The following BRD1 variants were observed in gnomAD, a reference collection of about 807,000 sequenced individuals.
BRD1 encodes bromodomain-containing protein 1.
A neutral mutation model predicts 107.7 loss-of-function variants in BRD1; 24 were observed. The observed-to-expected ratio is 0.22, with a 90% CI of 0.16 to 0.31. The LOEUF (loss-of-function observed/expected upper bound fraction) is 0.31, where lower values mean the gene tolerates loss of function less well. Ranked by LOEUF, BRD1 falls within the 10% of genes least tolerant of loss-of-function variation. The probability of loss-of-function intolerance (pLI) is 1.00; values close to 1 mark genes in which losing one functional copy is unlikely to be tolerated. For synonymous variants in BRD1, 744 were observed against 686.1 expected (o/e 1.08, Z -1.32); for missense variants, 1,279 against 1,638.6 (o/e 0.78, Z 3.79).
intron 10 of BRD1, 30 bp from the exon 11 acceptor site, chr22:49,776,189 G>C: frequency 6.3e-7 from 1 of 1,582,962 alleles, no homozygotes; most frequent in East Asian, 2.2e-5. Flanking sequence ...CAGGACACAG[G>C]CGTCAGCAGG....
Position 49,777,014 on chromosome 22 carries a change from G to C in BRD1, c.3121+20C>G. On this transcript the variant is annotated intron_variant, in intron 10 of 12. Transcript: ENST00000404760. ...ACCAGGAGGTGTGGAGAGCCATGGAGGCAGGTCCGGGCGACTCACCGGCTG... is the reference window on the plus strand; with the variant it reads ...ACCAGGAGGTGTGGAGAGCCATGGACGCAGGTCCGGGCGACTCACCGGCTG... The C allele has an allele frequency of 6.2e-7, 1 of 1,612,754 alleles. No individual in the cohort carries two copies. The highest frequency in any genetic ancestry group is 8.5e-7 in the Non-Finnish European group (1 of 1,179,942).
intron 2 of BRD1, among the ~76,000 whole-genome samples, chr22:49,820,057 G>A (rs934920727): frequency 3.9e-4 from 59 of 152,112 alleles, no homozygotes; most frequent in African/African-American, 1.4e-3. Flanking sequence ...TTGAACCCAG[G>A]AGGTGGAGGT....
chr22:49,820,387 G>A (rs529838239), intron 2 of BRD1, among the ~76,000 whole-genome samples: 2 of 152,164 alleles, frequency 1.3e-5, no homozygotes, highest in East Asian at 3.9e-4. Flanking sequence ...CCATTGGTTA[G>A]TGCACACCAT....
chr22:49,823,470 T>C lies in BRD1; in HGVS notation c.848A>G (p.Lys283Arg). ...LCPNKGGAFK[K>R]TDDDRWGHVV... ...GTGACCCCAGCGGTCGTCATCTGTCTTTTTGAAGGCACCACCCTTGTTGGG... is the reference window on the plus strand; with the variant it reads ...GTGACCCCAGCGGTCGTCATCTGTCCTTTTGAAGGCACCACCCTTGTTGGG... The change falls in exon 2 of 13, where the codon AAG becomes AGG. Residue 283 changes from lysine (K) to arginine (R), a missense_variant. By Grantham distance (26) the Lys-to-Arg change is conservative. Transcript: ENST00000404760. 1 of 1,609,142 alleles carries C rather than the reference T, an allele frequency of 6.2e-7. No individual in the cohort carries two copies. The highest frequency in any genetic ancestry group is 8.5e-7 in the Non-Finnish European group (1 of 1,179,170).
Position 49,803,778 on chromosome 22 carries a change from C to A in BRD1, c.1524+426G>T, listed in dbSNP as rs1173710386. Among the ~76,000 whole-genome samples, 1 of 152,168 alleles carries A rather than the reference C, an allele frequency of 6.6e-6. No individual in the cohort carries two copies. The highest frequency in any genetic ancestry group is 6.5e-5 in the Admixed American group (1 of 15,286). On this transcript the variant is annotated intron_variant, in intron 3 of 12. Coordinates refer to ENST00000404760, the MANE Select transcript of BRD1 (RefSeq NM_001304808.3). This position sits in a 1 kb window ranked among gnomAD's most constrained non-coding sequence, Gnocchi z 4.4. ...CTCCTCACATATTTCCAAAACCCAC[C>A]CTCCAGGCCCAGCACACAGACCCCC...
chr22:49,775,740 G>A lies in BRD1; in HGVS notation c.3237C>T (p.Ile1079=), dbSNP rs1384789409. Residue 1079 remains isoleucine, a synonymous_variant, in exon 12 of 13, where the codon ATC becomes ATT. Transcript: ENST00000404760. ...CAGGCACACGGGGCATCTTGGGGTC[G>A]ATGATCTGCACGAGAAGGACCCGCT... is the stretch of plus-strand genomic sequence containing the variant. The part of the protein sequence containing the change: ...SGYPSYPALI[I]DPKMPRVPGH... The A allele has an allele frequency of 7.5e-6, 12 of 1,600,772 alleles. No homozygotes were observed. Among genetic ancestry groups the A allele is most frequent in the East Asian group, 2.2e-5 (1 of 44,466 alleles).
chr22:49,813,962 G>C (rs972900717), intron 2 of BRD1, among the ~76,000 whole-genome samples: 32 of 152,230 alleles, frequency 2.1e-4, no homozygotes, highest in Admixed American at 1.9e-3. Flanking sequence ...ATAAATTTGA[G>C]GAGTACGATG....
At position 49,773,605 on chromosome 22, in the gene BRD1, A is replaced by AT. The variant is rs2059027793; in HGVS notation, c.*627dup. The AT allele has an allele frequency of 6.5e-6, 1 of 152,680 alleles. No homozygotes were observed. The highest frequency in any genetic ancestry group is 6.5e-5 in the Admixed American group (1 of 15,290). 9.5% of individuals were successfully genotyped at this position (152,680 alleles called of 1,614,324 possible). A position where few individuals can be genotyped will look rare whatever the true frequency, so the allele number is the denominator to read the frequency against. On this transcript the variant is annotated 3_prime_UTR_variant, in exon 13 of 13. Transcript: ENST00000404760. ...TTTTTATGTGCCTGTATAAAAATGC[A>AT]TATCAATATACCTTTGCAAATGTAT...
chr22:49,777,139 G>A lies in BRD1; in HGVS notation c.3016C>T (p.Arg1006Trp), dbSNP rs941898991. ...DSSFNAPKCGRGKPALVRRHT... is the reference protein window; with the variant it reads ...DSSFNAPKCGWGKPALVRRHT... ...CGTCGCACAAGAGCCGGTTTGCCCC[G>A]CCCACATTTGGGCGCATTAAAGCTT... Residue 1006 changes from arginine to tryptophan, a missense_variant, in exon 10 of 13, where the codon CGG becomes TGG. By Grantham distance (101) the Arg-to-Trp change is moderately radical (BLOSUM62 -3). Coordinates refer to ENST00000404760, the MANE Select transcript of BRD1 (RefSeq NM_001304808.3). 3.7e-6 allele frequency: 6 copies of A among 1,613,052 alleles called. No homozygotes were observed. The highest frequency in any genetic ancestry group is 1.7e-5 in the Admixed American group (1 of 60,018).
intron 8 of BRD1, among the ~76,000 whole-genome samples, chr22:49,780,559 A>T (rs1260119130): frequency 6.6e-6 from 1 of 152,084 alleles, no homozygotes; most frequent in African/African-American, 2.4e-5. Flanking sequence ...AAGAAGCCAG[A>T]CCAGGACACA....
chr22:49,824,595 C>G lies in BRD1; in HGVS notation c.-14-264G>C, dbSNP rs2060126331. The G allele has an allele frequency of 7.7e-7, 1 of 1,296,122 alleles. No homozygotes were observed. Among genetic ancestry groups the G allele is most frequent in the Non-Finnish European group, 9.9e-7 (1 of 1,014,794 alleles). 80.3% of individuals were successfully genotyped at this position (1,296,122 alleles called of 1,614,324 possible). ...CACCTGCGTCCCTACCACCACACAC[C>G]AGTCCCCTCTCAGACCACACCAACA... On this transcript the variant is annotated intron_variant, in intron 1 of 12. Coordinates refer to ENST00000404760, the MANE Select transcript of BRD1 (RefSeq NM_001304808.3). This position sits in a 1 kb window ranked among gnomAD's most constrained non-coding sequence, Gnocchi z 5.9.
At position 49,823,932 on chromosome 22, in the gene BRD1, G is replaced by A. The variant is rs2060115627; in HGVS notation, c.386C>T (p.Pro129Leu). The A allele has an allele frequency of 6.8e-6, 11 of 1,614,206 alleles. No homozygotes were observed. Among genetic ancestry groups the A allele is most frequent in the South Asian group, 1.1e-5 (1 of 91,088 alleles). Reference protein sequence around the residue: ...EPKVRIVEYSPPSAPRRPPVY... With the variant: ...EPKVRIVEYSLPSAPRRPPVY... ...AGGAGGCCTCCTGGGGGCGGACGGA[G>A]GGCTGTACTCCACGATGCGCACCTT... is the stretch of plus-strand genomic sequence containing the variant. The change falls in exon 2 of 13, where the codon CCT (proline) becomes CTT (leucine). Residue 129 changes from proline (P) to leucine (L), a missense_variant. Pro to Leu is a moderately conservative substitution (Grantham distance 98, BLOSUM62 -3). Around this residue, in one of 7 missense-constraint regions of BRD1, gnomAD observed 223 missense variants for 263.5 expected, o/e 0.85. Coordinates refer to ENST00000404760, the MANE Select transcript of BRD1 (RefSeq NM_001304808.3).
In BRD1 at chr22:49,798,630, C is replaced by G. The variant is rs2059581418; in HGVS notation, c.1713G>C (p.Leu571=). ...CTTGCAGCTGGTCCAGCACTGAGCG[C>G]AGCAGCACCGTCAGCGGGGTCAGCC... is the stretch of plus-strand genomic sequence containing the variant. The part of the protein sequence containing the change: ...ELRLTPLTVL[L]RSVLDQLQDK... Residue 571 remains leucine, a synonymous_variant, in exon 5 of 13, where the codon CTG becomes CTC. Coordinates refer to ENST00000404760, the MANE Select transcript of BRD1 (RefSeq NM_001304808.3). The G allele has an allele frequency of 6.2e-7, 1 of 1,613,904 alleles. No homozygotes were observed. The highest frequency in any genetic ancestry group is 1.1e-5 in the South Asian group (1 of 91,076).
rs1456470933 is a variant in BRD1 at position 49,787,754 on chromosome 22, G to A, written c.2493C>T (p.Val831=). 6.4e-7 allele frequency: 1 copy of A among 1,550,898 alleles called. No individual in the cohort carries two copies. The highest frequency in any genetic ancestry group is 8.7e-7 in the Non-Finnish European group (1 of 1,147,068). The change falls in exon 8 of 13, where the codon GTC becomes GTT. Residue 831 remains valine, a synonymous_variant. Transcript: ENST00000404760. ...NPEQSKLFKR[V]TFDNESHSAC... ...CGCTATGTGATTCATTATCAAATGT[G>A]ACTCTTTTGAAAAGTTTACTCTGCT...
intron 7 of BRD1, among the ~76,000 whole-genome samples, chr22:49,788,566 T>A (rs968706443): frequency 6.6e-6 from 1 of 152,236 alleles, no homozygotes; most frequent in Non-Finnish European, 1.5e-5. Context: ...CTTTTTAAAG[T>A]CTTTTTGACA....
intron 2 of BRD1, among the ~76,000 whole-genome samples, chr22:49,810,605 CAG>C: frequency 6.6e-6 from 1 of 152,262 alleles, no homozygotes; most frequent in East Asian, 1.9e-4. Flanking sequence ...GTACCCAGAA[CAG>C]AGAACTCTTA....
At chr22:49,816,740 T>C (rs932028723) in intron 2 of BRD1, among the ~76,000 whole-genome samples, 9 of 152,134 alleles carry the variant, frequency 5.9e-5, no homozygotes, top group Non-Finnish European at 8.8e-5. Context: ...CTCTATAAAA[T>C]AGACTAGGGC....
In BRD1 at chr22:49,824,417, A is replaced by G; in HGVS notation, c.-14-86T>C. 1.3e-6 allele frequency: 2 copies of G among 1,515,580 alleles called. No homozygotes were observed. Among genetic ancestry groups the G allele is most frequent in the Non-Finnish European group, 1.8e-6 (2 of 1,139,492 alleles). 93.9% of individuals were successfully genotyped at this position (1,515,580 alleles called of 1,614,324 possible). A position where few individuals can be genotyped will look rare whatever the true frequency, so the allele number is the denominator to read the frequency against. ...CACAAAAGCATGCTTGGACAGATCT[A>G]GCTCAGCAGCTCAAAGCCCAATCAA... On this transcript the variant is annotated intron_variant, in intron 1 of 12. Transcript: ENST00000404760. The surrounding 1 kb of genome is among the most constrained non-coding windows in gnomAD (Gnocchi z 5.9).
Position 49,824,406 on chromosome 22 carries a change from T to G in BRD1, c.-14-75A>C, listed in dbSNP as rs1397579188. The G allele has an allele frequency of 1.2e-5, 19 of 1,551,588 alleles. No individual in the cohort carries two copies. Among genetic ancestry groups the G allele is most frequent in the Admixed American group, 1.9e-5 (1 of 52,394 alleles). On this transcript the variant is annotated intron_variant, in intron 1 of 12. Transcript: ENST00000404760. The surrounding 1 kb of genome is among the most constrained non-coding windows in gnomAD (Gnocchi z 5.9). Reference sequence around the variant, plus strand: ...CTCGAGAAAACCACAAAAGCATGCTTGGACAGATCTAGCTCAGCAGCTCAA... The same window carrying G: ...CTCGAGAAAACCACAAAAGCATGCTGGGACAGATCTAGCTCAGCAGCTCAA...
Sources: gnomAD v4.1 joint callset for allele counts (sites outside exome capture counted in the v4.1 genomes callset) on GRCh38, gnomAD v4.1.1 for gene constraint, gnomAD v4.1.1 regional missense constraint, Gnocchi (gnomAD v3.1) non-coding constraint, MANE v1.5 for transcripts, NCBI Gene and HGNC (gene_info 2026-07-23, HGNC 2026-07-21) for gene names.